DTNBP1: variants seen among roughly 807,000 people sequenced by gnomAD.
The protein encoded by DTNBP1 is dystrobrevin binding protein 1.
DTNBP1 carries 35 observed loss-of-function variants against 42.8 expected under a neutral mutation model. That is an observed-to-expected ratio of 0.82 (90% CI 0.63 to 1.09). DTNBP1 has a LOEUF of 1.09. Ranked by LOEUF, DTNBP1 falls within the 50% of genes least tolerant of loss-of-function variation. The pLI is 0.00. For synonymous variants in DTNBP1, 171 were observed against 162.2 expected, an observed-to-expected ratio of 1.05 and a Z score of -0.41; for missense variants, 457 against 424.2, an observed-to-expected ratio of 1.08 and a Z score of -0.68.
intron 7 of DTNBP1, among the ~76,000 whole-genome samples, chr6:15,544,090 T>C (rs1288631633): frequency 6.6e-6 from 1 of 152,188 alleles, no homozygotes; most frequent in Non-Finnish European, 1.5e-5. Context: ...CTTATAGCCA[T>C]GCCCTCCTTC....
At chr6:15,651,494 T>G in intron 2 of DTNBP1, 131 bp from the exon 3 acceptor site, 4 of 1,269,684 alleles carry the variant, frequency 3.2e-6, no homozygotes, top group Non-Finnish European at 4.5e-6. Context: ...ATTATTAAAC[T>G]TTTAGAGAAA....
intron 7 of DTNBP1, chr6:15,533,658 C>G: frequency 1.7e-6 from 1 of 601,664 alleles, no homozygotes; most frequent in Non-Finnish European, 3.1e-6. Flanking sequence ...GACCTTCCCA[C>G]CCGCATCGCC....
chr6:15,542,334 A>T (rs1476882224), intron 7 of DTNBP1, among the ~76,000 whole-genome samples: 2 of 152,186 alleles, frequency 1.3e-5, no homozygotes, highest in African/African-American at 4.8e-5. Flanking sequence ...TGTCAATGTG[A>T]CAGATTTTAA....
chr6:15,610,099 A>C (rs950182334), intron 6 of DTNBP1, among the ~76,000 whole-genome samples: 1 of 152,160 alleles, frequency 6.6e-6, no homozygotes, highest in African/African-American at 2.4e-5. Context: ...TGTTAGAGTC[A>C]AGTCTGGAGC....
Position 15,631,232 on chromosome 6 carries a change from G to C in DTNBP1, c.223-3757C>G, listed in dbSNP as rs114103963. Among the ~76,000 whole-genome samples the C allele has an allele frequency of 1.8e-3, 278 of 152,128 alleles. 2 individuals are homozygous for C. Among genetic ancestry groups the C allele is most frequent in the African/African-American group, 6.5e-3 (270 of 41,484 alleles). ...ATATCTCAATAATACACCACAGAAGGCTTTAAAATAAACTTTCATTTTTAA... is the reference window on the plus strand; with the variant it reads ...ATATCTCAATAATACACCACAGAAGCCTTTAAAATAAACTTTCATTTTTAA... On this transcript the variant is annotated intron_variant, in intron 4 of 9. Coordinates refer to ENST00000344537, the MANE Select transcript of DTNBP1 (RefSeq NM_032122.5).
intron 4 of DTNBP1, among the ~76,000 whole-genome samples, chr6:15,635,291 G>A (rs1002707195): frequency 1.3e-5 from 2 of 152,054 alleles, no homozygotes; most frequent in African/African-American, 4.8e-5. Flanking sequence ...GCTAATTTTT[G>A]TATTTTTAAT....
At chr6:15,584,214 A>G (rs1383215211) in intron 7 of DTNBP1, among the ~76,000 whole-genome samples, 1 of 152,106 alleles carries the variant, frequency 6.6e-6, no homozygotes, top group Non-Finnish European at 1.5e-5. Flanking sequence ...TCTTGCCAGT[A>G]TTTACCAACA....
At chr6:15,584,020 C>A (rs974864017) in intron 7 of DTNBP1, among the ~76,000 whole-genome samples, 3 of 152,046 alleles carry the variant, frequency 2.0e-5, no homozygotes, top group South Asian at 2.1e-4. Flanking sequence ...TCAACTCCGT[C>A]TTAGAAATAA....
intron 3 of DTNBP1, among the ~76,000 whole-genome samples, chr6:15,648,610 T>A (rs2743858): frequency 0.13 from 19,491 of 151,154 alleles, 1,576 homozygotes; most frequent in African/African-American, 0.23. Flanking sequence ...CAATAAATAA[T>A]TCAAAAAAAG....
chr6:15,563,846 G>C (rs151035502), intron 7 of DTNBP1, among the ~76,000 whole-genome samples: 10 of 152,060 alleles, frequency 6.6e-5, no homozygotes, highest in Admixed American at 6.6e-4. Flanking sequence ...AGGTTCCCGC[G>C]GTGGAACACC....
rs1759153116 is a variant in DTNBP1, at chr6:15,623,375, C to A, written c.355+3968G>T. Among the ~76,000 whole-genome samples, 5 of 152,186 alleles carry A rather than the reference C, an allele frequency of 3.3e-5. No individual in the cohort carries two copies. The South Asian group carries it at 1.0e-3, about 32-fold the overall frequency. ...TGCTATTCTCTTATATCTAAGAATT[C>A]TTATCTAAGAGTTAACAGCATCTTC... On this transcript the variant is annotated intron_variant, in intron 5 of 9. Coordinates refer to ENST00000344537, the MANE Select transcript of DTNBP1 (RefSeq NM_032122.5).
At chr6:15,609,413 G>A (rs1336407069) in intron 6 of DTNBP1, among the ~76,000 whole-genome samples, 1 of 151,686 alleles carries the variant, frequency 6.6e-6, no homozygotes, top group Non-Finnish European at 1.5e-5. Flanking sequence ...TCCGCCTCCC[G>A]GGTTCAAGTA....
At chr6:15,662,372 G>A (rs1761694300) in intron 1 of DTNBP1, among the ~76,000 whole-genome samples, 1 of 152,202 alleles carries the variant, frequency 6.6e-6, no homozygotes, top group Non-Finnish European at 1.5e-5. Context: ...GGTGCGATCC[G>A]ACTCGGGGAG....
intron 8 of DTNBP1, among the ~76,000 whole-genome samples, chr6:15,532,012 G>T (rs568260879): frequency 6.6e-6 from 1 of 152,364 alleles, no homozygotes; most frequent in South Asian, 2.1e-4. Flanking sequence ...GGGAGATGTG[G>T]TTGGGGGCAG....
intron 5 of DTNBP1, among the ~76,000 whole-genome samples, chr6:15,622,504 C>T (rs778271732): frequency 4.6e-5 from 7 of 152,196 alleles, no homozygotes; most frequent in Non-Finnish European, 1.0e-4. Context: ...TTCCCTGTCA[C>T]AGCCTGCTCA....
At chr6:15,636,909 T>C (rs1340786436) in intron 4 of DTNBP1, among the ~76,000 whole-genome samples, 2 of 152,196 alleles carry the variant, frequency 1.3e-5, no homozygotes, top group East Asian at 3.8e-4. Context: ...TAAAGAACTT[T>C]TAAAAAATAT....
intron 6 of DTNBP1, among the ~76,000 whole-genome samples, chr6:15,611,876 G>T (rs1457660176): frequency 6.6e-6 from 1 of 152,178 alleles, no homozygotes; most frequent in African/African-American, 2.4e-5. Context: ...GGTTTCTTGA[G>T]AAGAAACCTA....
intron 7 of DTNBP1, among the ~76,000 whole-genome samples, chr6:15,577,217 C>A (rs1411456852): frequency 6.6e-6 from 1 of 152,168 alleles, no homozygotes; most frequent in Non-Finnish European, 1.5e-5. Flanking sequence ...AGCAGAGGAG[C>A]CAAGGCCAGA....
chr6:15,631,328 T>C (rs1759682354), intron 4 of DTNBP1, among the ~76,000 whole-genome samples: 1 of 152,190 alleles, frequency 6.6e-6, no homozygotes, highest in Admixed American at 6.5e-5. Flanking sequence ...TAACCAATTA[T>C]ACAAAAATTT....
Sources: gnomAD v4.1 joint callset for allele counts (sites outside exome capture counted in the v4.1 genomes callset) on GRCh38, gnomAD v4.1.1 for gene constraint, MANE v1.5 for transcripts, NCBI Gene and HGNC (gene_info 2026-07-23, HGNC 2026-07-21) for gene names.